The following PCNX2 variants were observed in gnomAD, a reference collection of about 807,000 sequenced individuals.
The protein encoded by PCNX2 is pecanex 2.
Under a neutral mutation model 223.8 loss-of-function variants are expected in PCNX2, and 168 were observed. The observed-to-expected ratio is 0.75, with a 90% CI of 0.66 to 0.85. PCNX2 has a LOEUF of 0.85. Among genes scored for constraint, PCNX2 ranks in the 40% least tolerant of loss-of-function variants. The pLI is 0.00. For missense variants in PCNX2, 2,507 were observed against 2,675.5 expected (o/e 0.94, Z 1.39); for synonymous variants, 1,006 against 1,052.6 (o/e 0.96, Z 0.86).
chr1:233,060,238 G>A (rs541345493), intron 23 of PCNX2, among the ~76,000 whole-genome samples: 33 of 152,282 alleles, frequency 2.2e-4, no homozygotes, highest in African/African-American at 7.9e-4. Context: ...AATGAAGGCT[G>A]AAGTCCCACG....
chr1:233,148,547 T>C (rs1225622817), intron 19 of PCNX2, among the ~76,000 whole-genome samples: 1 of 151,564 alleles, frequency 6.6e-6, no homozygotes, highest in Non-Finnish European at 1.5e-5. Flanking sequence ...ATTACATGAG[T>C]GTGCCACTAC....
In PCNX2 at chr1:233,016,958, A is replaced by T. The variant is rs992049785; in HGVS notation, c.4802T>A (p.Leu1601Gln). ...ITRASFCNVY[L>Q]EWIQHCARKR... Reference sequence around the variant, plus strand: ...CCGTGCACAGTGTTGAATCCATTCTAGATAAACATTGCAGAAGCTAGCTCG... The same window carrying T: ...CCGTGCACAGTGTTGAATCCATTCTTGATAAACATTGCAGAAGCTAGCTCG... Residue 1601 changes from leucine to glutamine, a missense_variant, in exon 27 of 34, where the codon CTA becomes CAA. Leu to Gln is a moderately radical substitution (Grantham distance 113). Transcript: ENST00000258229. 9 of 1,613,446 alleles carry T rather than the reference A, an allele frequency of 5.6e-6. No homozygotes were observed. In the Admixed American group the frequency reaches 6.7e-5, roughly 12 times the overall value.
chr1:233,031,737 T>C, intron 25 of PCNX2: 1 of 984,788 alleles, frequency 1.0e-6, no homozygotes, highest in Non-Finnish European at 1.2e-6. Flanking sequence ...CGGATTCCAT[T>C]TGTCTTTCTG....
intron 25 of PCNX2, among the ~76,000 whole-genome samples, chr1:233,026,631 T>C (rs1671089782): frequency 6.6e-6 from 1 of 152,070 alleles, no homozygotes; most frequent in African/African-American, 2.4e-5. Flanking sequence ...CTGGATACAT[T>C]TGAAAGCAGT....
intron 13 of PCNX2, among the ~76,000 whole-genome samples, chr1:233,200,645 C>G (rs544809576): frequency 1.3e-5 from 2 of 151,964 alleles, no homozygotes; most frequent in East Asian, 3.9e-4. Context: ...GTAGAATCAT[C>G]TTCAGTTTGA....
Position 233,034,110 on chromosome 1 carries a change from G to A in PCNX2, c.4352-8711C>T, listed in dbSNP as rs555624276. On this transcript the variant is annotated intron_variant, in intron 25 of 33. Coordinates refer to ENST00000258229, the MANE Select transcript of PCNX2 (RefSeq NM_014801.4). ...ACCTGTAGTATCAGCTTCTTGGGGG[G>A]CTGAGGCAGGAGAATTGCTTGAACC... 6.6e-5 allele frequency among the ~76,000 whole-genome samples: 10 copies of A among 152,292 alleles called. No homozygotes were observed. In the East Asian group the frequency reaches 1.4e-3, roughly 21 times the overall value.
At chr1:233,210,196 C>T (rs988706279) in intron 12 of PCNX2, among the ~76,000 whole-genome samples, 1 of 152,184 alleles carries the variant, frequency 6.6e-6, no homozygotes, top group African/African-American at 2.4e-5. Flanking sequence ...CCCTCATCAC[C>T]ATGTTACTGC....
chr1:233,322,804 C>T, the PCNX2 span, among the ~76,000 whole-genome samples: 2 of 152,130 alleles, frequency 1.3e-5, no homozygotes, highest in Admixed American at 1.3e-4. Flanking sequence ...TCTGCATGAC[C>T]CAAGAGCGAA....
chr1:233,056,425 C>A (rs1310646780), intron 24 of PCNX2, among the ~76,000 whole-genome samples: 1 of 152,188 alleles, frequency 6.6e-6, no homozygotes, highest in Non-Finnish European at 1.5e-5. Context: ...GCACAATGTG[C>A]TTGGGAAACT....
chr1:233,139,728 C>T lies in PCNX2; in HGVS notation c.3645G>A (p.Arg1215=), dbSNP rs769027533. The change falls in exon 20 of 34, where the codon CGG becomes CGA. Residue 1215 remains arginine (R), a synonymous_variant. Transcript: ENST00000258229. The surrounding 1 kb of genome is among the most constrained non-coding windows in gnomAD (Gnocchi z 4.4). ...TIDAFLISNH[R]RLGTHWDIFL... ...TAACCACTTACTGGGTACCAAGTCT[C>T]CGGTGATTGCTTATTAAAAATGCAT... is the stretch of plus-strand genomic sequence containing the variant. 1 of 1,603,090 alleles carries T rather than the reference C, an allele frequency of 6.2e-7. No homozygotes were observed. Among genetic ancestry groups the T allele is most frequent in the African/African-American group, 1.3e-5 (1 of 74,740 alleles).
chr1:233,178,154 G>GA (rs1679591943), intron 16 of PCNX2, among the ~76,000 whole-genome samples: 1 of 152,210 alleles, frequency 6.6e-6, no homozygotes, highest in Non-Finnish European at 1.5e-5. Context: ...GGGACATGGG[G>GA]AAGGTCCTCC....
chr1:233,095,692 A>C lies in PCNX2; in HGVS notation c.3946+63T>G, dbSNP rs1262069053. ...TCTTTTTATTGCCAGGGGTCAATGA[A>C]AAGCTTGCTTCCGTAAAATGTGAAT... On this transcript the variant is annotated intron_variant, in intron 22 of 33. Coordinates refer to ENST00000258229, the MANE Select transcript of PCNX2 (RefSeq NM_014801.4). The C allele has an allele frequency of 4.3e-6, 6 of 1,394,976 alleles. No individual in the cohort carries two copies. The South Asian group carries it at 7.4e-5, about 17-fold the overall frequency. 86.4% of individuals were successfully genotyped at this position (1,394,976 alleles called of 1,614,324 possible).
intron 32 of PCNX2, among the ~76,000 whole-genome samples, chr1:232,987,736 G>A (rs1037363695): frequency 6.6e-6 from 1 of 152,178 alleles, no homozygotes; most frequent in Non-Finnish European, 1.5e-5. Context: ...ACATTACGAA[G>A]GGGATTCCAG....
At chr1:233,087,644 C>G (rs1304099312) in intron 23 of PCNX2, among the ~76,000 whole-genome samples, 1 of 152,140 alleles carries the variant, frequency 6.6e-6, no homozygotes, top group African/African-American at 2.4e-5. Flanking sequence ...TGGTACCCAC[C>G]ACTCTACTGT....
intron 25 of PCNX2, among the ~76,000 whole-genome samples, chr1:233,036,038 A>C (rs1025548718): frequency 1.3e-5 from 2 of 150,586 alleles, no homozygotes; most frequent in Non-Finnish European, 3.0e-5. Context: ...CAAATGAAAT[A>C]ATGTCAAAAA....
chr1:233,226,823 C>T (rs1657755052), intron 10 of PCNX2, among the ~76,000 whole-genome samples: 2 of 152,134 alleles, frequency 1.3e-5, no homozygotes, highest in Admixed American at 1.3e-4. Context: ...ATGCCCACAC[C>T]CAGTCAAGCC....
rs1676341192 is a variant in PCNX2, at chr1:233,129,696, A to C, written c.3837+5317T>G. ...GTGGATGCACCAATGGGCACTCAGT[A>C]TCTAGCTGATCTGGTGGGGACTTGG... On this transcript the variant is annotated intron_variant, in intron 21 of 33. Transcript: ENST00000258229. Among the ~76,000 whole-genome samples the C allele has an allele frequency of 2.0e-5, 3 of 152,196 alleles. No homozygotes were observed. The East Asian group carries it at 5.8e-4, about 29-fold the overall frequency.
At chr1:233,290,389 G>T (rs1296565814) in intron 1 of PCNX2, among the ~76,000 whole-genome samples, 1 of 152,190 alleles carries the variant, frequency 6.6e-6, no homozygotes, top group African/African-American at 2.4e-5. Flanking sequence ...TGGACAAATG[G>T]ATAGAAAGGT....
chr1:233,199,783 T>A (rs1367717675), intron 14 of PCNX2, among the ~76,000 whole-genome samples: 1 of 147,344 alleles, frequency 6.8e-6, no homozygotes, highest in Admixed American at 6.8e-5. Flanking sequence ...CTTGAGCATG[T>A]GTGTGCTCAA....
Sources: allele counts gnomAD v4.1 joint callset (sites outside exome capture counted in the v4.1 genomes callset), GRCh38; gene constraint gnomAD v4.1.1; non-coding constraint Gnocchi (gnomAD v3.1); transcripts MANE v1.5; gene names NCBI Gene and HGNC (gene_info 2026-07-23, HGNC 2026-07-21).